CHSY3: variants seen among roughly 807,000 people sequenced by gnomAD.
CHSY3 encodes chondroitin sulfate synthase 3.
CHSY3 carries 35 observed loss-of-function variants against 67.2 expected under a neutral mutation model. That is an observed-to-expected ratio of 0.52 (90% CI 0.40 to 0.69). The LOEUF (loss-of-function observed/expected upper bound fraction) is 0.69, where lower values mean the gene tolerates loss of function less well. Among genes scored for constraint, CHSY3 ranks in the 30% least tolerant of loss-of-function variants. The probability of loss-of-function intolerance (pLI) is 0.00; values close to 1 mark genes in which losing one functional copy is unlikely to be tolerated. For synonymous variants in CHSY3, 474 were observed against 434.7 expected (o/e 1.09, Z -1.12); for missense variants, 1,069 against 1,138.5 (o/e 0.94, Z 0.88).
At chr5:129,912,230 CATAT>C (rs1000643666) in intron 2 of CHSY3, among the ~76,000 whole-genome samples, 1 of 151,848 alleles carries the variant, frequency 6.6e-6, no homozygotes, top group African/African-American at 2.4e-5. Context: ...ATTTAATATA[CATAT>C]ATAAAGAATC....
At chr5:130,140,941 T>C in intron 2 of CHSY3, 1 of 875,756 alleles carries the variant, frequency 1.1e-6, no homozygotes, top group Non-Finnish European at 1.4e-6. Flanking sequence ...AAGAATTGAA[T>C]GCTTACCTGT....
At chr5:130,153,878 C>T (rs1345878035) in intron 2 of CHSY3, among the ~76,000 whole-genome samples, 2 of 151,990 alleles carry the variant, frequency 1.3e-5, no homozygotes, top group African/African-American at 2.4e-5. Flanking sequence ...GGAAATTGCA[C>T]ATACCATAGA....
At chr5:130,121,513 C>T (rs1385178138) in intron 2 of CHSY3, among the ~76,000 whole-genome samples, 1 of 152,064 alleles carries the variant, frequency 6.6e-6, no homozygotes. Context: ...CTGGAGCTTC[C>T]TTGTAGCTCA....
chr5:129,905,313 G>T lies in CHSY3; in HGVS notation c.484G>T (p.Ala162Ser). ...SSHNGSGDGG[A>S]AAPSARPRDF... is the part of the protein sequence containing the mutation. ...CCACAACGGCAGCGGGGACGGGGGC[G>T]CTGCCGCCCCGAGCGCCCGACCCCG... Residue 162 changes from alanine (A) to serine (S), a missense_variant, in exon 1 of 3, where the codon GCT (alanine) becomes TCT (serine). Transcript: ENST00000305031. 6.6e-7 allele frequency: 1 copy of T among 1,508,018 alleles called. No homozygotes were observed. Among genetic ancestry groups the T allele is most frequent in the Non-Finnish European group, 8.8e-7 (1 of 1,133,394 alleles). 93.4% of individuals were successfully genotyped at this position (1,508,018 alleles called of 1,614,324 possible). A position where few individuals can be genotyped will look rare whatever the true frequency, so the allele number is the denominator to read the frequency against.
chr5:129,973,339 T>A (rs972229927), intron 2 of CHSY3, among the ~76,000 whole-genome samples: 2 of 152,246 alleles, frequency 1.3e-5, no homozygotes, highest in South Asian at 4.1e-4. Context: ...AGTCTTAACT[T>A]ACCCACCTCT....
chr5:129,984,533 A>G (rs1287887173), intron 2 of CHSY3, among the ~76,000 whole-genome samples: 1 of 152,142 alleles, frequency 6.6e-6, no homozygotes, highest in Non-Finnish European at 1.5e-5. Context: ...TCCTTTGAGT[A>G]TATGCCCCGC....
chr5:130,124,971 G>A (rs4836492), intron 2 of CHSY3, among the ~76,000 whole-genome samples: 79,147 of 152,102 alleles, frequency 0.52, 20,689 homozygotes, highest in South Asian at 0.61. Flanking sequence ...TCTAGCAGAG[G>A]AAATGCTTGT....
chr5:130,005,445 G>A (rs929771518), intron 2 of CHSY3, among the ~76,000 whole-genome samples: 3 of 151,398 alleles, frequency 2.0e-5, no homozygotes, highest in African/African-American at 7.3e-5. Flanking sequence ...AAAAAAACAC[G>A]TTATAATATT....
chr5:129,994,691 T>C (rs941680105), intron 2 of CHSY3, among the ~76,000 whole-genome samples: 1 of 152,124 alleles, frequency 6.6e-6, no homozygotes, highest in Non-Finnish European at 1.5e-5. Flanking sequence ...ATGTGGCACA[T>C]ATATACCATG....
At chr5:130,014,687 AC>A (rs2149649204) in intron 2 of CHSY3, among the ~76,000 whole-genome samples, 1 of 152,332 alleles carries the variant, frequency 6.6e-6, no homozygotes, top group South Asian at 2.1e-4. Flanking sequence ...GACCATATCA[AC>A]CATATATAAA....
At chr5:129,968,874 T>A (rs1762546007) in intron 2 of CHSY3, among the ~76,000 whole-genome samples, 1 of 151,810 alleles carries the variant, frequency 6.6e-6, no homozygotes, top group Non-Finnish European at 1.5e-5. Context: ...TAATGCAGAT[T>A]TCTTGGCTCC....
At chr5:130,132,429 G>A (rs1352648815) in intron 2 of CHSY3, among the ~76,000 whole-genome samples, 1 of 151,176 alleles carries the variant, frequency 6.6e-6, no homozygotes, top group Non-Finnish European at 1.5e-5. Context: ...TCTGGAACAA[G>A]AAGAAATAAT....
At chr5:130,128,499 T>C (rs1768371495) in intron 2 of CHSY3, among the ~76,000 whole-genome samples, 1 of 152,024 alleles carries the variant, frequency 6.6e-6, no homozygotes, top group Admixed American at 6.6e-5. Context: ...AGAATGGTAA[T>C]TACCAGAGGC....
chr5:129,951,009 A>C (rs1477754343), intron 2 of CHSY3, among the ~76,000 whole-genome samples: 1 of 152,194 alleles, frequency 6.6e-6, no homozygotes, highest in Non-Finnish European at 1.5e-5. Flanking sequence ...CAGCTATAGT[A>C]CTCAAAACAG....
intron 2 of CHSY3, among the ~76,000 whole-genome samples, chr5:130,034,350 C>A (rs1424127762): frequency 6.6e-6 from 1 of 152,086 alleles, no homozygotes; most frequent in Non-Finnish European, 1.5e-5. Context: ...ATTCAGAATT[C>A]ATCTTTTCCA....
chr5:130,058,734 A>C (rs1224039810), intron 2 of CHSY3, among the ~76,000 whole-genome samples: 1 of 152,210 alleles, frequency 6.6e-6, no homozygotes, highest in Non-Finnish European at 1.5e-5. Flanking sequence ...ATTACCACAA[A>C]CTGGGTGCCT....
chr5:130,060,945 C>A (rs1765692235), intron 2 of CHSY3, among the ~76,000 whole-genome samples: 1 of 152,080 alleles, frequency 6.6e-6, no homozygotes, highest in Admixed American at 6.6e-5. Flanking sequence ...ACATCCCATG[C>A]TCAAGGATTA....
At chr5:130,000,482 T>C (rs1415873817) in intron 2 of CHSY3, among the ~76,000 whole-genome samples, 1 of 152,208 alleles carries the variant, frequency 6.6e-6, no homozygotes, top group South Asian at 2.1e-4. Flanking sequence ...ATACATACTA[T>C]GTCTCTTGCC....
At chr5:130,111,097 G>T (rs1580742553) in intron 2 of CHSY3, among the ~76,000 whole-genome samples, 1 of 151,972 alleles carries the variant, frequency 6.6e-6, no homozygotes, top group South Asian at 2.1e-4. Flanking sequence ...GCTGCCTGTA[G>T]GCTAGGCTCA....
Sources: allele counts gnomAD v4.1 joint callset (sites outside exome capture counted in the v4.1 genomes callset), GRCh38; gene constraint gnomAD v4.1.1; transcripts MANE v1.5; gene names NCBI Gene and HGNC (gene_info 2026-07-23, HGNC 2026-07-21).